Variants in DNMT3B observed in about 807,000 individuals in gnomAD.
The protein encoded by DNMT3B is DNA (cytosine-5)-methyltransferase 3B.
DNMT3B carries 37 observed loss-of-function variants against 120.2 expected under a neutral mutation model. That is an observed-to-expected ratio of 0.31 (90% CI 0.24 to 0.40). The LOEUF (loss-of-function observed/expected upper bound fraction) is 0.40, where lower values mean the gene tolerates loss of function less well. Among genes scored for constraint, DNMT3B ranks in the 10% least tolerant of loss-of-function variants. The pLI, the probability that DNMT3B is intolerant of heterozygous loss-of-function variation, is 1.00. For synonymous variants in DNMT3B, 412 were observed against 442.8 expected (o/e 0.93, Z 0.87); for missense variants, 878 against 1,137.3 (o/e 0.77, Z 3.28).
At chr20:32,795,565 A>G (rs1980514080) in intron 11 of DNMT3B, 31 bp downstream of exon 11, 1 of 1,614,056 alleles carries the variant, frequency 6.2e-7, no homozygotes, top group African/African-American at 1.3e-5. Context: ...ATCATGGGAC[A>G]GATGGGAGGA....
At chr20:32,787,818 G>A (rs1729174955) in intron 6 of DNMT3B, among the ~76,000 whole-genome samples, 2 of 152,156 alleles carry the variant, frequency 1.3e-5, no homozygotes, top group Admixed American at 1.3e-4. Context: ...GAGTGCAGGT[G>A]GGCTGAGTCC....
chr20:32,774,868 A>G (rs893365746), intron 1 of DNMT3B, among the ~76,000 whole-genome samples: 1 of 151,412 alleles, frequency 6.6e-6, no homozygotes, highest in Non-Finnish European at 1.5e-5. Context: ...ACATGCGCCC[A>G]CCACCACGAC....
chr20:32,793,535 G>A lies in DNMT3B; in HGVS notation c.1067-1G>A. 1 of 1,614,178 alleles carries A rather than the reference G, an allele frequency of 6.2e-7. No individual in the cohort carries two copies. Among genetic ancestry groups the A allele is most frequent in the Non-Finnish European group, 8.5e-7 (1 of 1,180,042 alleles). On this transcript the variant is annotated splice_acceptor_variant, in intron 9 of 22. Transcript: ENST00000328111. LOFTEE classifies it high-confidence loss of function. ...GTTTTGTTTTGTTTTCCCCTCAAAA[G>A]TGGTTAATAAGTCGAAGGTGCGTCG...
chr20:32,773,927 G>A (rs1462776574), intron 1 of DNMT3B, among the ~76,000 whole-genome samples: 3 of 135,056 alleles, frequency 2.2e-5, no homozygotes, highest in African/African-American at 3.1e-5. Context: ...CACTGCGCCC[G>A]GCAGTGGTTT....
At chr20:32,773,945 T>TTTTG (rs1987909484) in intron 1 of DNMT3B, among the ~76,000 whole-genome samples, 1 of 143,526 alleles carries the variant, frequency 7.0e-6, no homozygotes, top group African/African-American at 2.6e-5. Flanking sequence ...TTTTTTTTTT[T>TTTTG]TTTTTTTTTT....
intron 17 of DNMT3B, 63 bp downstream of exon 17, chr20:32,800,361 C>T: frequency 1.2e-6 from 2 of 1,608,818 alleles, no homozygotes; most frequent in Admixed American, 3.3e-5. Flanking sequence ...GTCCTCCACA[C>T]CCTGAAACCC....
chr20:32,795,632 T>G lies in DNMT3B; in HGVS notation c.1253-18T>G. The G allele has an allele frequency of 2.5e-6, 4 of 1,614,184 alleles. No homozygotes were observed. Among genetic ancestry groups the G allele is most frequent in the Non-Finnish European group, 2.5e-6 (3 of 1,180,016 alleles). ...CGGCTCCCTGACCTCATCTCATGCCTTCTTCTTTTCTCAATAGAACAAATG... is the reference window on the plus strand; with the variant it reads ...CGGCTCCCTGACCTCATCTCATGCCGTCTTCTTTTCTCAATAGAACAAATG... On this transcript the variant is annotated intron_variant, in intron 11 of 22. Coordinates refer to ENST00000328111, the MANE Select transcript of DNMT3B (RefSeq NM_006892.4).
At position 32,799,298 on chromosome 20, in the gene DNMT3B, G is replaced by A. The variant is rs1330985113; in HGVS notation, c.1729G>A (p.Val577Ile). ...IPAARRRPIR[V>I]LSLFDGIATG... ...CGCAGCCCGAAGGCGGCCCATTCGA[G>A]TCCTGTCATTGTTTGATGGCATCGC... Residue 577 changes from valine to isoleucine, a missense_variant, in exon 16 of 23, where the codon GTC becomes ATC. This residue lies in a region of DNMT3B where 334 missense variants were observed against 518.8 expected (regional missense o/e 0.64). Coordinates refer to ENST00000328111, the MANE Select transcript of DNMT3B (RefSeq NM_006892.4). 2 of 1,613,548 alleles carry A rather than the reference G, an allele frequency of 1.2e-6. No homozygotes were observed. Among genetic ancestry groups the A allele is most frequent in the Non-Finnish European group, 8.5e-7 (1 of 1,179,822 alleles).
In DNMT3B at chr20:32,787,227, C is replaced by T; in HGVS notation, c.433-3C>T. On this transcript the variant is annotated splice_region_variant and splice_polypyrimidine_tract_variant and intron_variant, in intron 5 of 22. Coordinates refer to ENST00000328111, the MANE Select transcript of DNMT3B (RefSeq NM_006892.4). ...CCCAAACTATGTGTCCTTCTGTCCA[C>T]AGTCCCTGAGACGGCGGGCAACAGC... is the stretch of plus-strand genomic sequence containing the variant. The T allele has an allele frequency of 6.2e-7, 1 of 1,614,248 alleles. No homozygotes were observed.
intron 16 of DNMT3B, among the ~76,000 whole-genome samples, chr20:32,799,774 T>G (rs1981091381): frequency 6.6e-6 from 1 of 152,200 alleles, no homozygotes; most frequent in African/African-American, 2.4e-5. Context: ...CACCTTGGCA[T>G]CCCAAACCGC....
At chr20:32,800,382 C>A in intron 17 of DNMT3B, 84 bp downstream of exon 17, 1 of 1,581,970 alleles carries the variant, frequency 6.3e-7, no homozygotes, top group Non-Finnish European at 8.7e-7. Flanking sequence ...ACATGTAGGC[C>A]CCATCCCTGA....
intron 19 of DNMT3B, among the ~76,000 whole-genome samples, chr20:32,801,740 G>A (rs750376080): frequency 1.3e-4 from 19 of 151,966 alleles, no homozygotes; most frequent in Non-Finnish European, 2.4e-4. Flanking sequence ...GCACACCACC[G>A]TGCCCAGCCA....
chr20:32,791,774 A>T (rs189038772), intron 8 of DNMT3B, 66 bp downstream of exon 8: 1 of 1,572,362 alleles, frequency 6.4e-7, no homozygotes, highest in East Asian at 2.2e-5. Flanking sequence ...GACCCACAGA[A>T]ACCTAGCTCA....
chr20:32,774,508 CT>C (rs386393640), intron 1 of DNMT3B, among the ~76,000 whole-genome samples: 4,524 of 98,394 alleles, frequency 0.046, 83 homozygotes, highest in Non-Finnish European at 0.064. Flanking sequence ...CGCGCCTGGC[CT>C]TTTTTTTTTT....
chr20:32,776,000 G>A (rs920747804), intron 1 of DNMT3B, among the ~76,000 whole-genome samples: 2 of 152,196 alleles, frequency 1.3e-5, no homozygotes, highest in Non-Finnish European at 2.9e-5. Context: ...AGGCCAAGGC[G>A]AGTAGATCAC....
Position 32,808,201 on chromosome 20 carries a change from TTC to T in DNMT3B, c.*299_*300del. The T allele has an allele frequency of 2.2e-6, 1 of 450,834 alleles. No individual in the cohort carries two copies. Among genetic ancestry groups the T allele is most frequent in the Non-Finnish European group, 4.1e-6 (1 of 245,064 alleles). The allele number at this position is 450,834 out of a possible 1,614,324, so 27.9% of individuals were successfully genotyped here. Reference sequence around the variant, plus strand: ...TAGGTAGCAACGTGGCTTTTTTTTTTTCCCTTCCTGGGTCTACCACTCAGAGA... The same window carrying T: ...TAGGTAGCAACGTGGCTTTTTTTTTTCCTTCCTGGGTCTACCACTCAGAGA... On this transcript the variant is annotated 3_prime_UTR_variant, in exon 23 of 23. Coordinates refer to ENST00000328111, the MANE Select transcript of DNMT3B (RefSeq NM_006892.4).
intron 1 of DNMT3B, among the ~76,000 whole-genome samples, chr20:32,768,720 T>TG (rs1987538029): frequency 2.0e-5 from 3 of 152,124 alleles, no homozygotes; most frequent in Admixed American, 1.3e-4. Flanking sequence ...AGGCACTAAC[T>TG]AGGGTCCCAC....
Position 32,800,238 on chromosome 20 carries a change from C to T in DNMT3B, c.1845C>T (p.Thr615=), listed in dbSNP as rs766714558. The part of the protein sequence containing the change: ...EVCEESIAVG[T]VKHEGNIKYV... ...GTGAGGAGTCCATTGCTGTTGGAACCGTGAAGCACGAGGGGAATATCAAAT... is the reference window on the plus strand; with the variant it reads ...GTGAGGAGTCCATTGCTGTTGGAACTGTGAAGCACGAGGGGAATATCAAAT... The change falls in exon 17 of 23, where the codon ACC becomes ACT. Residue 615 remains threonine (T), a synonymous_variant. Transcript: ENST00000328111. The T allele has an allele frequency of 1.1e-5, 18 of 1,614,162 alleles. No individual in the cohort carries two copies. The highest frequency in any genetic ancestry group is 4.4e-5 in the South Asian group (4 of 91,090).
At chr20:32,777,238 C>A (rs1036567551) in intron 1 of DNMT3B, among the ~76,000 whole-genome samples, 2 of 152,110 alleles carry the variant, frequency 1.3e-5, no homozygotes, top group Admixed American at 6.5e-5. Flanking sequence ...GTTCTAGGGG[C>A]TTGAGGCTTT....
Sources: allele counts gnomAD v4.1 joint callset (sites outside exome capture counted in the v4.1 genomes callset), GRCh38; gene constraint gnomAD v4.1.1; regional missense constraint gnomAD v4.1.1; transcripts MANE v1.5; gene names NCBI Gene and HGNC (gene_info 2026-07-23, HGNC 2026-07-21).